CNBD1: variants seen among roughly 807,000 people sequenced by gnomAD.
CNBD1 encodes cyclic nucleotide-binding domain-containing protein 1.
Under a neutral mutation model 54.4 loss-of-function variants are expected in CNBD1, and 71 were observed. The ratio of observed to expected loss-of-function variants is 1.30; its 90% CI spans 1.08 to 1.59. The LOEUF is 1.59. CNBD1 is among the 40% of genes most tolerant of loss of function. The pLI is 0.00. For synonymous variants in CNBD1, 182 were observed against 170.7 expected, an observed-to-expected ratio of 1.07 and a Z score of -0.51; for missense variants, 659 against 518.0, an observed-to-expected ratio of 1.27 and a Z score of -2.64.
chr8:87,304,776 C>G (rs888793191), intron 8 of CNBD1, among the ~76,000 whole-genome samples: 1 of 152,032 alleles, frequency 6.6e-6, no homozygotes. Flanking sequence ...GTAATAAAAG[C>G]CATGTATGAC....
intron 3 of CNBD1, among the ~76,000 whole-genome samples, chr8:86,932,450 G>C (rs1356820614): frequency 2.0e-5 from 3 of 152,126 alleles, no homozygotes; most frequent in Non-Finnish European, 2.9e-5. Context: ...TAACAGGAAG[G>C]GGAGCTGTAG....
chr8:87,369,814 G>A (rs1227252895), intron 10 of CNBD1, among the ~76,000 whole-genome samples: 1 of 151,844 alleles, frequency 6.6e-6, no homozygotes, highest in Admixed American at 6.6e-5. Flanking sequence ...CCATGCTGGT[G>A]TGCTGCACCC....
chr8:87,003,953 C>G (rs10092775), intron 4 of CNBD1, among the ~76,000 whole-genome samples: 41,687 of 152,016 alleles, frequency 0.27, 5,956 homozygotes, highest in South Asian at 0.39. Flanking sequence ...CACCAGAAGT[C>G]TGCTGACAGC....
chr8:87,252,933 G>C (rs989435263), intron 6 of CNBD1, among the ~76,000 whole-genome samples: 6 of 152,046 alleles, frequency 3.9e-5, no homozygotes, highest in African/African-American at 1.4e-4. Context: ...AGGAGAGAGG[G>C]CACATACGTT....
chr8:86,976,335 T>A (rs1808342555), intron 4 of CNBD1, among the ~76,000 whole-genome samples: 1 of 151,802 alleles, frequency 6.6e-6, no homozygotes, highest in Non-Finnish European at 1.5e-5. Flanking sequence ...TCCCCTATAT[T>A]TTCTTCTTGT....
chr8:87,419,512 G>C (rs989874866), intron 2 of CNBD1, among the ~76,000 whole-genome samples: 2 of 151,870 alleles, frequency 1.3e-5, no homozygotes, highest in Non-Finnish European at 2.9e-5. Flanking sequence ...CATATTTATA[G>C]AAATTGTTCC....
chr8:86,895,264 G>A (rs1413612259), intron 2 of CNBD1, among the ~76,000 whole-genome samples: 1 of 151,942 alleles, frequency 6.6e-6, no homozygotes, highest in Non-Finnish European at 1.5e-5. Context: ...GTGTGTGTGT[G>A]TGTGTGTGTG....
At chr8:87,052,850 C>T (rs1810338665) in intron 4 of CNBD1, among the ~76,000 whole-genome samples, 1 of 152,164 alleles carries the variant, frequency 6.6e-6, no homozygotes. Flanking sequence ...AGAACCTTCC[C>T]AGGTCTCCCT....
intron 4 of CNBD1, among the ~76,000 whole-genome samples, chr8:87,034,518 G>A (rs1809865381): frequency 6.6e-6 from 1 of 152,208 alleles, no homozygotes; most frequent in African/African-American, 2.4e-5. Flanking sequence ...ATTTAATACT[G>A]AATCTTTGTA....
chr8:86,889,884 G>A (rs954480124), intron 2 of CNBD1, among the ~76,000 whole-genome samples: 2 of 151,988 alleles, frequency 1.3e-5, no homozygotes, highest in African/African-American at 4.8e-5. Flanking sequence ...ATGTACAAGA[G>A]TTTTCTGTGT....
At chr8:86,936,794 G>T (rs1396562603) in intron 3 of CNBD1, among the ~76,000 whole-genome samples, 1 of 151,246 alleles carries the variant, frequency 6.6e-6, no homozygotes, top group African/African-American at 2.4e-5. Context: ...TAAAGAATTA[G>T]GTTACCAAAT....
At chr8:87,276,976 A>C (rs1378219904) in intron 6 of CNBD1, among the ~76,000 whole-genome samples, 2 of 145,480 alleles carry the variant, frequency 1.4e-5, no homozygotes, top group Non-Finnish European at 3.0e-5. Context: ...AGCTTGAATA[A>C]TTATTTTTTT....
chr8:87,307,763 T>C (rs1809187435), intron 8 of CNBD1, among the ~76,000 whole-genome samples: 2 of 149,396 alleles, frequency 1.3e-5, no homozygotes, highest in African/African-American at 4.9e-5. Context: ...TATATATATA[T>C]ATAACTTAGC....
At chr8:87,402,400 G>T (rs1035819017) in intron 2 of CNBD1, among the ~76,000 whole-genome samples, 2 of 152,016 alleles carry the variant, frequency 1.3e-5, no homozygotes, top group Admixed American at 6.6e-5. Context: ...ATCAACTTAA[G>T]AAACTGCCCT....
chr8:87,107,467 A>G (rs1230658741), intron 4 of CNBD1, among the ~76,000 whole-genome samples: 1 of 152,176 alleles, frequency 6.6e-6, no homozygotes, highest in Non-Finnish European at 1.5e-5. Context: ...CAGAGAGCCT[A>G]TTCCAGCTAC....
intron 4 of CNBD1, among the ~76,000 whole-genome samples, chr8:87,051,703 G>C (rs754753950): frequency 6.6e-6 from 1 of 152,220 alleles, no homozygotes; most frequent in Non-Finnish European, 1.5e-5. Flanking sequence ...TGTGGTTTAA[G>C]AACGCCTTTA....
chr8:86,968,068 C>G (rs951233856), intron 4 of CNBD1, among the ~76,000 whole-genome samples: 4 of 152,044 alleles, frequency 2.6e-5, no homozygotes, highest in African/African-American at 9.7e-5. Flanking sequence ...TTAGGTGGGA[C>G]AGAATGGCTA....
intron 8 of CNBD1, among the ~76,000 whole-genome samples, chr8:87,289,701 G>A (rs1019180602): frequency 2.0e-5 from 3 of 152,066 alleles, no homozygotes; most frequent in Non-Finnish European, 2.9e-5. Flanking sequence ...AATAATAACA[G>A]TAATAGTCAA....
At chr8:86,980,544 T>G (rs1342719022) in intron 4 of CNBD1, among the ~76,000 whole-genome samples, 2 of 152,228 alleles carry the variant, frequency 1.3e-5, no homozygotes, top group African/African-American at 4.8e-5. Context: ...ATTTTAGAGA[T>G]AAAGTTTATT....
Sources: allele counts gnomAD v4.1 joint callset (sites outside exome capture counted in the v4.1 genomes callset), GRCh38; gene constraint gnomAD v4.1.1; transcripts MANE v1.5; gene names NCBI Gene and HGNC (gene_info 2026-07-23, HGNC 2026-07-21).